The following ZNF658 variants were observed in gnomAD, a reference collection of about 807,000 sequenced individuals.
ZNF658 encodes zinc finger protein 658.
In ZNF658, 46 loss-of-function variants were observed where a neutral mutation model predicts 78.0. The observed-to-expected ratio is 0.59, with a 90% CI of 0.47 to 0.75. The LOEUF is 0.75. Ranked by LOEUF, ZNF658 falls within the 30% of genes least tolerant of loss-of-function variation. The probability of loss-of-function intolerance (pLI) is 0.00; values close to 1 mark genes in which losing one functional copy is unlikely to be tolerated. For missense variants in ZNF658, 785 were observed against 1,189.3 expected (o/e 0.66, Z 5.00); for synonymous variants, 279 against 408.4 (o/e 0.68, Z 3.82).
rs765555750 is a variant in ZNF658, at chr9:66,920,549, G to A, written c.2983G>A (p.Glu995Lys). The A allele has an allele frequency of 1.5e-6, 2 of 1,309,918 alleles. No homozygotes were observed. The highest frequency in any genetic ancestry group is 2.3e-5 in the East Asian group (1 of 42,804). 81.1% of individuals were successfully genotyped at this position (1,309,918 alleles called of 1,614,324 possible). Residue 995 changes from glutamate (E) to lysine (K), a missense_variant, in exon 5 of 5, where the codon GAG (glutamate) becomes AAG (lysine). Transcript: ENST00000621410. Reference sequence around the variant, plus strand: ...AATTCACACAGGGGAGAAACCCTATGAGTGTAATGAATGCGGAAAAGCTTT... The same window carrying A: ...AATTCACACAGGGGAGAAACCCTATAAGTGTAATGAATGCGGAAAAGCTTT... Reference protein sequence around the residue: ...QRIHTGEKPYECNECGKAFAQ... With the variant: ...QRIHTGEKPYKCNECGKAFAQ...
chr9:66,915,157 T>C (rs1433578205), intron 4 of ZNF658, among the ~76,000 whole-genome samples: 1 of 152,018 alleles, frequency 6.6e-6, no homozygotes, highest in Non-Finnish European at 1.5e-5. Context: ...CAAACATAGT[T>C]AAAATTTGAG....
Position 66,920,310 on chromosome 9 carries a change from G to A in ZNF658, c.2744G>A (p.Cys915Tyr), listed in dbSNP as rs144211960. The change falls in exon 5 of 5, where the codon TGT becomes TAT. Residue 915 changes from cysteine to tyrosine, a missense_variant. Cys to Tyr is a radical substitution (Grantham distance 194). Transcript: ENST00000621410. The stretch of plus-strand genomic sequence containing the variant: ...GAGAAACCCTATGAATGCAGTGAAT[G>A]TGGGAAAACCTTCTCTGAGAAGTCA... Reference protein sequence around the residue: ...SGEKPYECSECGKTFSEKSYV... With the variant: ...SGEKPYECSEYGKTFSEKSYV... The A allele has an allele frequency of 1.3e-4, 204 of 1,613,936 alleles. No individual in the cohort carries two copies. The highest frequency in any genetic ancestry group is 1.7e-4 in the Non-Finnish European group (201 of 1,179,942).
chr9:66,929,165 T>C (rs967889948), intron 6 of ZNF658, among the ~76,000 whole-genome samples: 6 of 149,720 alleles, frequency 4.0e-5, no homozygotes, highest in African/African-American at 9.8e-5. Flanking sequence ...TTTCTCTTTT[T>C]AACTTCTTGC....
Position 66,918,741 on chromosome 9 carries a change from C to A in ZNF658, c.1175C>A (p.Ser392Tyr). ...GATGAACATGGGAAATGCAGAAAAT[C>A]CTTTTACCGGAAAGCACACCTCATT... ...LSDEHGKCRK[S>Y]FYRKAHLIQH... is the part of the protein sequence containing the mutation. The change falls in exon 5 of 5, where the codon TCC becomes TAC. Residue 392 changes from serine to tyrosine, a missense_variant. By Grantham distance (144) the Ser-to-Tyr change is moderately radical. Transcript: ENST00000621410. 6.2e-7 allele frequency: 1 copy of A among 1,613,916 alleles called. No homozygotes were observed. Among genetic ancestry groups the A allele is most frequent in the Non-Finnish European group, 8.5e-7 (1 of 1,179,862 alleles).
chr9:66,930,343 C>A (rs997865226), intron 6 of ZNF658, among the ~76,000 whole-genome samples: 24 of 145,372 alleles, frequency 1.7e-4, no homozygotes, highest in Non-Finnish European at 2.7e-4. Context: ...GCTAGAAAAC[C>A]CTCCACTCAG....
chr9:66,920,116 G>A lies in ZNF658; in HGVS notation c.2550G>A (p.Gly850=). The A allele has an allele frequency of 1.2e-6, 2 of 1,612,170 alleles. No homozygotes were observed. The highest frequency in any genetic ancestry group is 1.7e-6 in the Non-Finnish European group (2 of 1,179,710). Reference sequence around the variant, plus strand: ...GTGCACATCAGAGAATTCATACTGGGGAAAAACCCTATGAGTGTAATGAAT... The same window carrying A: ...GTGCACATCAGAGAATTCATACTGGAGAAAAACCCTATGAGTGTAATGAAT... The part of the protein sequence containing the change: ...HLCAHQRIHT[G]EKPYECNECG... Residue 850 remains glycine, a synonymous_variant, in exon 5 of 5, where the codon GGG becomes GGA. Transcript: ENST00000621410.
chr9:66,918,569 A>G lies in ZNF658; in HGVS notation c.1003A>G (p.Ser335Gly), dbSNP rs756164372. 1.2e-6 allele frequency: 2 copies of G among 1,608,240 alleles called. No homozygotes were observed. Among genetic ancestry groups the G allele is most frequent in the South Asian group, 2.2e-5 (2 of 90,836 alleles). ...FESNKCEENFSQSSAHIVHQK... is the reference protein window; with the variant it reads ...FESNKCEENFGQSSAHIVHQK... ...AAGCAATAAATGTGAAGAAAATTTT[A>G]GCCAGAGCTCAGCCCATATAGTACA... Residue 335 changes from serine (S) to glycine (G), a missense_variant, in exon 5 of 5, where the codon AGC becomes GGC. Physicochemically the swap from Ser to Gly is moderately conservative, Grantham distance 56 (BLOSUM62 0). Coordinates refer to ENST00000621410, the MANE Select transcript of ZNF658 (RefSeq NM_033160.7).
Position 66,919,707 on chromosome 9 carries a change from A to G in ZNF658, c.2141A>G (p.Tyr714Cys), listed in dbSNP as rs1273523526. ...HQRIHTGEKP[Y>C]ECNECEKTFA... ...AGAATTCACACGGGGGAGAAACCCT[A>G]TGAATGTAATGAATGTGAGAAAACA... The change falls in exon 5 of 5, where the codon TAT becomes TGT. Residue 714 changes from tyrosine to cysteine, a missense_variant. By Grantham distance (194) the Tyr-to-Cys change is radical (BLOSUM62 -2). Around this residue, in one of 12 missense-constraint regions of ZNF658, gnomAD observed 75 missense variants for 147.1 expected, o/e 0.51. Coordinates refer to ENST00000621410, the MANE Select transcript of ZNF658 (RefSeq NM_033160.7). The G allele has an allele frequency of 6.2e-7, 1 of 1,613,230 alleles. No homozygotes were observed. The highest frequency in any genetic ancestry group is 1.1e-5 in the South Asian group (1 of 91,034).
intron 1 of ZNF658, 140 bp downstream of exon 1, chr9:66,900,976 C>G (rs1032329975): frequency 6.6e-6 from 1 of 152,152 alleles, no homozygotes; most frequent in Admixed American, 6.5e-5. Flanking sequence ...TGCGCGGGCC[C>G]AGGCCGAGTC....
At chr9:66,913,241 G>A (rs1434994458) in intron 4 of ZNF658, among the ~76,000 whole-genome samples, 1 of 151,046 alleles carries the variant, frequency 6.6e-6, no homozygotes, top group Middle Eastern at 3.2e-3. Flanking sequence ...CCTGACCAAC[G>A]TTGCAAAACC....
chr9:66,915,410 A>G (rs1253328527), intron 4 of ZNF658, among the ~76,000 whole-genome samples: 168 of 151,278 alleles, frequency 1.1e-3, no homozygotes, highest in African/African-American at 3.0e-3. Context: ...AAAAAAAAAA[A>G]AGAGAGAGAC....
rs577741440 is a variant in ZNF658 at position 66,918,589 on chromosome 9, A to G, written c.1023A>G (p.Ile341Met). Residue 341 changes from isoleucine to methionine, a missense_variant, in exon 5 of 5, where the codon ATA becomes ATG. By Grantham distance (10) the Ile-to-Met change is conservative (BLOSUM62 1). Around this residue, in one of 12 missense-constraint regions of ZNF658, gnomAD observed 393 missense variants for 400.2 expected, o/e 0.98. Coordinates refer to ENST00000621410, the MANE Select transcript of ZNF658 (RefSeq NM_033160.7). ...ATTTTAGCCAGAGCTCAGCCCATAT[A>G]GTACATCAGAAAACACAAGCTGGAG... ...EENFSQSSAH[I>M]VHQKTQAGDK... 1.7e-5 allele frequency: 28 copies of G among 1,609,290 alleles called. No individual in the cohort carries two copies. Among genetic ancestry groups the G allele is most frequent in the Middle Eastern group, 3.3e-4 (2 of 6,050 alleles).
rs568141952 is a variant in ZNF658, at chr9:66,931,870, CACAA to C, written c.*55-149_*55-146del. On this transcript the variant is annotated intron_variant and NMD_transcript_variant, in intron 6 of 6. Transcript: ENST00000622180. ...CAGTCACATTGGCATTGGGGAGATA[CACAA>C]ACAAAGTGAACCATAGCCATCTGGT... is the stretch of plus-strand genomic sequence containing the variant. 6.0e-5 allele frequency among the ~76,000 whole-genome samples: 9 copies of C among 150,688 alleles called. No homozygotes were observed. In the South Asian group the frequency reaches 1.1e-3, roughly 18 times the overall value.
intron 4 of ZNF658, among the ~76,000 whole-genome samples, chr9:66,914,458 T>C (rs1334568387): frequency 7.9e-5 from 12 of 151,986 alleles, no homozygotes; most frequent in Non-Finnish European, 1.8e-4. Context: ...TCTTACCTTT[T>C]TGCACTGGCT....
Position 66,919,767 on chromosome 9 carries a change from A to C in ZNF658, c.2201A>C (p.Asn734Thr). ...AHNSALRAHQ[N>T]IHTGEKLYEC... Reference sequence around the variant, plus strand: ...AATTCAGCCCTTAGAGCACATCAGAATATCCACACAGGGGAGAAACTCTAT... The same window carrying C: ...AATTCAGCCCTTAGAGCACATCAGACTATCCACACAGGGGAGAAACTCTAT... The change falls in exon 5 of 5, where the codon AAT (asparagine) becomes ACT (threonine). Residue 734 changes from asparagine (N) to threonine (T), a missense_variant. Coordinates refer to ENST00000621410, the MANE Select transcript of ZNF658 (RefSeq NM_033160.7). 6.2e-7 allele frequency: 1 copy of C among 1,610,072 alleles called. No homozygotes were observed. Among genetic ancestry groups the C allele is most frequent in the Non-Finnish European group, 8.5e-7 (1 of 1,179,260 alleles).
intron 2 of ZNF658, among the ~76,000 whole-genome samples, chr9:66,905,017 C>A (rs1223520995): frequency 7.2e-6 from 1 of 138,508 alleles, no homozygotes; most frequent in East Asian, 2.1e-4. Flanking sequence ...CTCTGATTCT[C>A]ATGTCCAGGT....
In ZNF658 at chr9:66,918,841, A is replaced by G; in HGVS notation, c.1275A>G (p.Ser425=). 1 of 1,609,352 alleles carries G rather than the reference A, an allele frequency of 6.2e-7. No homozygotes were observed. Among genetic ancestry groups the G allele is most frequent in the Middle Eastern group, 1.7e-4 (1 of 6,002 alleles). The change falls in exon 5 of 5, where the codon TCA becomes TCG. Residue 425 remains serine (S), a synonymous_variant. Transcript: ENST00000621410. ...EECAKSFCSS[S]HPIQHPGTYV... ...GTGCAAAATCCTTTTGTTCAAGTTC[A>G]CATCCTATTCAGCATCCTGGAACTT...
chr9:66,922,111 G>A (rs1452683150), downstream of ZNF658, among the ~76,000 whole-genome samples: 76 of 126,938 alleles, frequency 6.0e-4, no homozygotes, highest in Non-Finnish European at 1.2e-3. Flanking sequence ...TGCTGTGCTA[G>A]CAGCGAGCAA....
chr9:66,908,195 G>A (rs1189945447), intron 2 of ZNF658, 43 bp from the exon 3 acceptor site: 1 of 1,613,152 alleles, frequency 6.2e-7, no homozygotes, highest in Admixed American at 1.7e-5. Flanking sequence ...CTGAACCCTT[G>A]AACAAACCAT....
Sources: allele counts gnomAD v4.1 joint callset (sites outside exome capture counted in the v4.1 genomes callset), GRCh38; gene constraint gnomAD v4.1.1; regional missense constraint gnomAD v4.1.1; transcripts MANE v1.5; gene names NCBI Gene and HGNC (gene_info 2026-07-23, HGNC 2026-07-21).